Variants in CNDP1 observed in about 807,000 individuals in gnomAD.
CNDP1 encodes beta-Ala-His dipeptidase.
CNDP1 carries 44 observed loss-of-function variants against 58.1 expected under a neutral mutation model. The observed-to-expected ratio is 0.76, with a 90% CI of 0.60 to 0.97. CNDP1 has a LOEUF of 0.97. CNDP1 is among the 50% of genes least tolerant of loss of function. The pLI is 0.00. For missense variants in CNDP1, 616 were observed against 655.1 expected, an observed-to-expected ratio of 0.94 and a Z score of 0.65; for synonymous variants, 254 against 252.6, an observed-to-expected ratio of 1.01 and a Z score of -0.05.
chr18:74,541,133 G>C (rs1980612893), intron 1 of CNDP1, among the ~76,000 whole-genome samples: 1 of 152,220 alleles, frequency 6.6e-6, no homozygotes, highest in Non-Finnish European at 1.5e-5. Flanking sequence ...AGTGGAGGGG[G>C]AAATGGGGCT....
chr18:74,567,090 C>T (rs1442073270), intron 5 of CNDP1, 143 bp from the exon 6 acceptor site: 9 of 657,356 alleles, frequency 1.4e-5, no homozygotes, highest in Non-Finnish European at 2.2e-5. Context: ...AAAGACTGGC[C>T]CCCATGATTC....
At chr18:74,582,378 GA>G (rs1981811154) in intron 10 of CNDP1, among the ~76,000 whole-genome samples, 1 of 152,160 alleles carries the variant, frequency 6.6e-6, no homozygotes, top group African/African-American at 2.4e-5. Context: ...TAGAAGGTTT[GA>G]ACTCATCTCT....
chr18:74,551,393 C>CACACACAA (rs1980905586), intron 1 of CNDP1, among the ~76,000 whole-genome samples: 1 of 142,250 alleles, frequency 7.0e-6, no homozygotes, highest in Non-Finnish European at 1.6e-5. Flanking sequence ...CACACACACA[C>CACACACAA]AAACAAAAAC....
At position 74,571,328 on chromosome 18, in the gene CNDP1, T is replaced by G. The variant is rs577000797; in HGVS notation, c.841+58T>G. ...TCAGGGATCAACTAAAAGACAGCTC[T>G]ACTTGATTTTATGTGCCTCTCCTTG... On this transcript the variant is annotated intron_variant, in intron 7 of 11. Coordinates refer to ENST00000358821, the MANE Select transcript of CNDP1 (RefSeq NM_032649.6). 5.0e-6 allele frequency: 6 copies of G among 1,199,064 alleles called. No homozygotes were observed. In the South Asian group the frequency reaches 7.3e-5, roughly 15 times the overall value. 74.3% of individuals were successfully genotyped at this position (1,199,064 alleles called of 1,614,324 possible). A position where few individuals can be genotyped will look rare whatever the true frequency, so the allele number is the denominator to read the frequency against.
rs751460507 is a variant in CNDP1, at chr18:74,584,506, A to C, written c.1468A>C (p.Ile490Leu). 6.8e-6 allele frequency: 11 copies of C among 1,612,758 alleles called. No individual in the cohort carries two copies. The Admixed American group carries it at 1.0e-4, about 15-fold the overall frequency. ...QNEKINRWNYIEGTKLFAAFF... is the reference protein window; with the variant it reads ...QNEKINRWNYLEGTKLFAAFF... ...TTTTCCTCTTCTTAGGTGGAACTAC[A>C]TAGAGGGAACCAAATTATTTGCTGC... Residue 490 changes from isoleucine (I) to leucine (L), a missense_variant, in exon 12 of 12, where the codon ATA becomes CTA. Physicochemically the swap from Ile to Leu is conservative, Grantham distance 5. Coordinates refer to ENST00000358821, the MANE Select transcript of CNDP1 (RefSeq NM_032649.6).
At chr18:74,561,252 TA>T (rs1305493547) in intron 4 of CNDP1, 1 of 417,812 alleles carries the variant, frequency 2.4e-6, no homozygotes, top group Non-Finnish European at 4.3e-6. Flanking sequence ...CTCTCTCTAC[TA>T]AAAATACAAA....
intron 1 of CNDP1, among the ~76,000 whole-genome samples, chr18:74,535,961 G>A (rs548094093): frequency 1.3e-5 from 2 of 152,214 alleles, no homozygotes; most frequent in South Asian, 2.1e-4. Context: ...GAACCTGGGA[G>A]GTCGAGGCTG....
rs1194280629 is a variant in CNDP1 at position 74,545,934 on chromosome 18, G to A, written c.25-10404G>A. On this transcript the variant is annotated intron_variant, in intron 1 of 11. Coordinates refer to ENST00000358821, the MANE Select transcript of CNDP1 (RefSeq NM_032649.6). The surrounding 1 kb of genome is among the most constrained non-coding windows in gnomAD (Gnocchi z 4.1). ...TTTACACCTCTCACCCCTCAAAACC[G>A]AGAGCCATGCCCTGTTTCCCCATTG... Among the ~76,000 whole-genome samples the A allele has an allele frequency of 2.6e-5, 4 of 152,020 alleles. No homozygotes were observed. Among genetic ancestry groups the A allele is most frequent in the Admixed American group, 6.6e-5 (1 of 15,246 alleles).
intron 7 of CNDP1, among the ~76,000 whole-genome samples, chr18:74,571,728 C>A (rs1363840021): frequency 2.0e-5 from 3 of 152,148 alleles, no homozygotes; most frequent in Non-Finnish European, 2.9e-5. Flanking sequence ...AGGAACTAAG[C>A]GACACACCAG....
intron 4 of CNDP1, 66 bp from the exon 5 acceptor site, chr18:74,561,981 T>C (rs1288030351): frequency 4.4e-6 from 6 of 1,354,214 alleles, no homozygotes; most frequent in Non-Finnish European, 6.3e-6. Flanking sequence ...TGAAACGACA[T>C]TGGTTTTTAA....
intron 7 of CNDP1, among the ~76,000 whole-genome samples, chr18:74,572,397 G>C (rs895714853): frequency 6.6e-6 from 1 of 152,036 alleles, no homozygotes; most frequent in Admixed American, 6.6e-5. Flanking sequence ...TTCATAATTT[G>C]GTGTTCTTTT....
At chr18:74,558,930 A>T (rs998987342) in intron 2 of CNDP1, among the ~76,000 whole-genome samples, 24 of 152,166 alleles carry the variant, frequency 1.6e-4, no homozygotes, top group Admixed American at 5.2e-4. Context: ...GGCTTCCAGG[A>T]CCAGGTGTGG....
At chr18:74,576,787 G>C in intron 7 of CNDP1, 82 bp from the exon 8 acceptor site, 1 of 1,350,344 alleles carries the variant, frequency 7.4e-7, no homozygotes, top group South Asian at 1.5e-5. Flanking sequence ...ACCCTGAAGA[G>C]TCCTCCCACA....
intron 5 of CNDP1, among the ~76,000 whole-genome samples, chr18:74,564,713 C>T (rs1981283728): frequency 1.3e-5 from 2 of 152,166 alleles, no homozygotes; most frequent in African/African-American, 4.8e-5. Context: ...TGCTCCTTTC[C>T]CCAATTCTTG....
intron 7 of CNDP1, among the ~76,000 whole-genome samples, chr18:74,575,812 T>C (rs61562428): frequency 0.17 from 24,806 of 149,326 alleles, 2,225 homozygotes; most frequent in African/African-American, 0.21. Flanking sequence ...CAGGTATGTA[T>C]GTATGTAGGT....
At chr18:74,561,941 T>C (rs1981210019) in intron 4 of CNDP1, 106 bp from the exon 5 acceptor site, 1 of 860,230 alleles carries the variant, frequency 1.2e-6, no homozygotes, top group Admixed American at 2.1e-5. Flanking sequence ...GCAATATTAT[T>C]ATAGAAAGCA....
At position 74,580,269 on chromosome 18, in the gene CNDP1, C is replaced by T. The variant is rs1981756821; in HGVS notation, c.1307C>T (p.Thr436Ile). 6.2e-7 allele frequency: 1 copy of T among 1,613,956 alleles called. No individual in the cohort carries two copies. The highest frequency in any genetic ancestry group is 1.3e-5 in the African/African-American group (1 of 74,916). ...CTCGCAGCAAAAAGAGCGATCAGAACAGGTGGGACCTTAAGATCTTCTGAC... is the reference window on the plus strand; with the variant it reads ...CTCGCAGCAAAAAGAGCGATCAGAATAGGTGGGACCTTAAGATCTTCTGAC... The part of the protein sequence containing the change: ...QYLAAKRAIR[T>I]VFGTEPDMIR... The change falls in exon 10 of 12, where the codon ACA becomes ATA. Residue 436 changes from threonine to isoleucine, a missense_variant and splice_region_variant. Thr to Ile is a moderately conservative substitution (Grantham distance 89, BLOSUM62 -1). Transcript: ENST00000358821.
intron 7 of CNDP1, among the ~76,000 whole-genome samples, chr18:74,572,712 C>G (rs778256400): frequency 1.4e-5 from 2 of 147,764 alleles, no homozygotes; most frequent in African/African-American, 2.5e-5. Flanking sequence ...CGCTTGAGCC[C>G]GGAAGGCAGA....
At position 74,577,001 on chromosome 18, in the gene CNDP1, G is replaced by T; in HGVS notation, c.974G>T (p.Arg325Leu). Reference protein sequence around the residue: ...LDLEEYRNSSRVEKFLFDTKE... With the variant: ...LDLEEYRNSSLVEKFLFDTKE... ...CTAGAAGAATACCGGAATAGCAGCC[G>T]GGTTGAGAAATTTCTGTTCGATACT... Residue 325 changes from arginine (R) to leucine (L), a missense_variant, in exon 8 of 12, where the codon CGG (arginine) becomes CTG (leucine). Physicochemically the swap from Arg to Leu is moderately radical, Grantham distance 102 (BLOSUM62 -2). Transcript: ENST00000358821. 6.2e-7 allele frequency: 1 copy of T among 1,612,830 alleles called. No individual in the cohort carries two copies. The highest frequency in any genetic ancestry group is 1.3e-5 in the African/African-American group (1 of 75,000).
Sources: gnomAD v4.1 joint callset for allele counts (sites outside exome capture counted in the v4.1 genomes callset) on GRCh38, gnomAD v4.1.1 for gene constraint, Gnocchi (gnomAD v3.1) non-coding constraint, MANE v1.5 for transcripts, NCBI Gene and HGNC (gene_info 2026-07-23, HGNC 2026-07-21) for gene names.